KCNQ2: variants seen among roughly 807,000 people sequenced by gnomAD.
The protein encoded by KCNQ2 is potassium voltage-gated channel subfamily KQT member 2.
In KCNQ2, 14 loss-of-function variants were observed where a neutral mutation model predicts 84.8. The ratio of observed to expected loss-of-function variants is 0.17; its 90% confidence interval spans 0.11 to 0.26. The LOEUF (loss-of-function observed/expected upper bound fraction) is 0.26, where lower values mean the gene tolerates loss of function less well. Ranked by LOEUF, KCNQ2 falls within the 10% of genes least tolerant of loss-of-function variation. KCNQ2 has a pLI of 1.00. For missense variants in KCNQ2, 788 were observed against 1,254.0 expected, an observed-to-expected ratio of 0.63 and a Z score of 5.61; for synonymous variants, 599 against 554.1, an observed-to-expected ratio of 1.08 and a Z score of -1.14.
intron 11 of KCNQ2, among the ~76,000 whole-genome samples, chr20:63,421,854 C>T (rs1235531450): frequency 6.6e-6 from 1 of 152,084 alleles, no homozygotes; most frequent in East Asian, 1.9e-4. Flanking sequence ...ACGGCCCGAG[C>T]CCCGCAGCCT....
At chr20:63,410,245 A>G (rs973240596) in intron 15 of KCNQ2, among the ~76,000 whole-genome samples, 2 of 152,148 alleles carry the variant, frequency 1.3e-5, no homozygotes, top group African/African-American at 2.4e-5. Context: ...CCCCTGCCAC[A>G]TGACGGGCCG....
At chr20:63,409,693 C>G (rs1024525631) in intron 15 of KCNQ2, among the ~76,000 whole-genome samples, 1 of 152,204 alleles carries the variant, frequency 6.6e-6, no homozygotes, top group Non-Finnish European at 1.5e-5. Context: ...CACCAGCCGA[C>G]GGGGCCAAGT....
intron 8 of KCNQ2, among the ~76,000 whole-genome samples, chr20:63,432,140 C>G (rs1481227629): frequency 1.3e-5 from 2 of 149,188 alleles, no homozygotes; most frequent in Non-Finnish European, 3.0e-5. Context: ...AAGGATCCAC[C>G]CACAGGGAAG....
At position 63,407,172 on chromosome 20, in the gene KCNQ2, GC is replaced by G; in HGVS notation, c.2090del (p.Gly697AlafsTer233). ...VKIVRSSSST[G>X]QKNFSAPPAA... ...CCGGGGGCGCCGAGAAGTTCTTCTGGCCCGTGGAGCTGCTGGAGCGCACGAT... is the reference window on the plus strand; with the variant it reads ...CCGGGGGCGCCGAGAAGTTCTTCTGGCCGTGGAGCTGCTGGAGCGCACGAT... On this transcript the variant is annotated frameshift_variant, in exon 17 of 17. Coordinates refer to ENST00000359125, the MANE Select transcript of KCNQ2 (RefSeq NM_172107.4). LOFTEE classifies it low-confidence loss of function (END_TRUNC). The surrounding 1 kb of genome is among the most constrained non-coding windows in gnomAD (Gnocchi z 7.2). 1 of 1,603,008 alleles carries G rather than the reference GC, an allele frequency of 6.2e-7. No individual in the cohort carries two copies.
At chr20:63,421,455 G>A (rs1476360645) in intron 11 of KCNQ2, among the ~76,000 whole-genome samples, 1 of 152,196 alleles carries the variant, frequency 6.6e-6, no homozygotes, top group African/African-American at 2.4e-5. Context: ...GGGGACCCGT[G>A]CAGCTGCACC....
intron 1 of KCNQ2, among the ~76,000 whole-genome samples, chr20:63,447,100 A>C (rs1298174699): frequency 1.4e-5 from 2 of 144,404 alleles, no homozygotes; most frequent in Admixed American, 6.9e-5. Context: ...TCCAGGACGC[A>C]CCCCCCTCTC....
chr20:63,467,642 G>C (rs139974162), intron 1 of KCNQ2, among the ~76,000 whole-genome samples: 47 of 152,338 alleles, frequency 3.1e-4, no homozygotes, highest in African/African-American at 1.1e-3. Flanking sequence ...AGGGACTAAC[G>C]GAGATCCATA....
At chr20:63,419,497 G>A in intron 12 of KCNQ2, 122 bp downstream of exon 12, 1 of 955,598 alleles carries the variant, frequency 1.0e-6, no homozygotes, top group Non-Finnish European at 1.6e-6. Flanking sequence ...CGCCAGGGCG[G>A]TGGGTCAGAA....
At position 63,407,833 on chromosome 20, in the gene KCNQ2, C is replaced by T. The variant is rs185840315; in HGVS notation, c.1888-458G>A. The T allele has an allele frequency of 0.01, 2,044 of 201,370 alleles. 130 individuals are homozygous for T. In the South Asian group the frequency reaches 0.14, roughly 13 times the overall value. The allele number at this position is 201,370 out of a possible 1,614,324, so 12.5% of individuals were successfully genotyped here. A position where few individuals can be genotyped will look rare whatever the true frequency, so the allele number is the denominator to read the frequency against. On this transcript the variant is annotated intron_variant, in intron 16 of 16. Transcript: ENST00000359125. The surrounding 1 kb of genome is among the most constrained non-coding windows in gnomAD (Gnocchi z 7.2). ...AAGAGGAGGCCCAGGAGCAGCTCTT[C>T]CTCCTTCCCAGACCCCTAGGGGCAA... is the stretch of plus-strand genomic sequence containing the variant.
At chr20:63,421,920 C>CT (rs2080482872) in intron 11 of KCNQ2, among the ~76,000 whole-genome samples, 1 of 152,214 alleles carries the variant, frequency 6.6e-6, no homozygotes, top group African/African-American at 2.4e-5. Context: ...CAGCACAGCC[C>CT]CAGTGGTCCC....
At position 63,403,015 on chromosome 20, in the gene KCNQ2, G is replaced by A. The variant is rs2079840810; in HGVS notation, c.*3629C>T. On this transcript the variant is annotated 3_prime_UTR_variant, in exon 17 of 17. Coordinates refer to ENST00000359125, the MANE Select transcript of KCNQ2 (RefSeq NM_172107.4). ...CAGCACCTGCCTGGGCTGGGGCCTG[G>A]GATTCGAGGCTGAGCCACCCATCCC... 6.6e-6 allele frequency: 1 copy of A among 152,254 alleles called. No homozygotes were observed. Among genetic ancestry groups the A allele is most frequent in the South Asian group, 2.1e-4 (1 of 4,830 alleles). The allele number at this position is 152,254 out of a possible 1,614,324, so 9.4% of individuals were successfully genotyped here.
rs201130603 is a variant in KCNQ2 at position 63,444,803 on chromosome 20, C to T, written c.546G>A (p.Val182=). ...CGTTGCCCTGGGAGCCGGCGGCCAG[C>T]ACCGCAATGGAGGCGATGAGCACCA... The part of the protein sequence containing the change: ...DIMVLIASIA[V]LAAGSQGNVF... Residue 182 remains valine, a synonymous_variant, in exon 4 of 17, where the codon GTG becomes GTA. Transcript: ENST00000359125. 1 of 1,607,626 alleles carries T rather than the reference C, an allele frequency of 6.2e-7. No individual in the cohort carries two copies. Among genetic ancestry groups the T allele is most frequent in the Non-Finnish European group, 8.5e-7 (1 of 1,177,486 alleles).
At position 63,406,941 on chromosome 20, in the gene KCNQ2, G is replaced by A. The variant is rs773555725; in HGVS notation, c.2322C>T (p.Cys774=). 10 of 1,590,492 alleles carry A rather than the reference G, an allele frequency of 6.3e-6. No individual in the cohort carries two copies. In the South Asian group the frequency reaches 1.0e-4, roughly 16 times the overall value. The change falls in exon 17 of 17, where the codon TGC becomes TGT. Residue 774 remains cysteine, a synonymous_variant. Transcript: ENST00000359125. ...CCCGCAGGTTCCCCTCGGGGGGCCTGCAGCCCGGGGTGTCCTCCTGCCGCA... is the reference window on the plus strand; with the variant it reads ...CCCGCAGGTTCCCCTCGGGGGGCCTACAGCCCGGGGTGTCCTCCTGCCGCA... ...EFLRQEDTPG[C]RPPEGNLRDS... is the part of the protein sequence containing the mutation.
chr20:63,456,481 A>G (rs2081800501), intron 1 of KCNQ2, among the ~76,000 whole-genome samples: 1 of 152,078 alleles, frequency 6.6e-6, no homozygotes, highest in African/African-American at 2.4e-5. Flanking sequence ...TTAAATGAAA[A>G]CGGAACACGT....
chr20:63,423,770 A>G (rs2080544376), intron 11 of KCNQ2: 1 of 248,804 alleles, frequency 4.0e-6, no homozygotes, highest in Admixed American at 5.1e-5. Flanking sequence ...CCAGAGGCCC[A>G]CTTGGAGCTT....
chr20:63,435,748 CA>C (rs1047270976), intron 7 of KCNQ2, among the ~76,000 whole-genome samples: 1 of 152,222 alleles, frequency 6.6e-6, no homozygotes, highest in Non-Finnish European at 1.5e-5. Context: ...GCATCTCAAC[CA>C]GTGAACGGCT....
At chr20:63,454,787 TC>T (rs963745684) in intron 1 of KCNQ2, among the ~76,000 whole-genome samples, 1 of 152,124 alleles carries the variant, frequency 6.6e-6, no homozygotes, top group Non-Finnish European at 1.5e-5. Context: ...GAGAGGAGGC[TC>T]CCCGGGAACA....
At position 63,445,184 on chromosome 20, in the gene KCNQ2, C is replaced by T. The variant is rs546438673; in HGVS notation, c.514+54G>A. The T allele has an allele frequency of 4.2e-5, 68 of 1,612,926 alleles. No homozygotes were observed. The African/African-American group carries it at 6.7e-4, about 16-fold the overall frequency. ...CCCCAGCTCCCCCCAGGGCTGAGTC[C>T]GTCCCTGGGTGCCTGGCCCTGATTC... On this transcript the variant is annotated intron_variant, in intron 3 of 16. Transcript: ENST00000359125.
chr20:63,468,174 C>A (rs182336258), intron 1 of KCNQ2, among the ~76,000 whole-genome samples: 109 of 152,296 alleles, frequency 7.2e-4, no homozygotes, highest in African/African-American at 2.5e-3. Context: ...CCAGGTTTCC[C>A]CAGAAACCAC....
Sources: gnomAD v4.1 joint callset for allele counts (sites outside exome capture counted in the v4.1 genomes callset) on GRCh38, gnomAD v4.1.1 for gene constraint, Gnocchi (gnomAD v3.1) non-coding constraint, MANE v1.5 for transcripts, NCBI Gene and HGNC (gene_info 2026-07-23, HGNC 2026-07-21) for gene names.